The following VAV1 variants were observed in gnomAD, a reference collection of about 807,000 sequenced individuals.
VAV1 encodes the protein proto-oncogene vav.
In VAV1, 33 loss-of-function variants were observed where a neutral mutation model predicts 128.1. That is an observed-to-expected ratio of 0.26 (90% CI 0.20 to 0.34). The LOEUF (loss-of-function observed/expected upper bound fraction) is 0.34. VAV1 is among the 10% of genes least tolerant of loss of function. VAV1 has a pLI of 1.00. For synonymous variants in VAV1, 394 were observed against 409.8 expected (o/e 0.96, Z 0.47); for missense variants, 715 against 1,093.7 (o/e 0.65, Z 4.88).
chr19:6,834,370 A>G (rs1473943955), intron 19 of VAV1, among the ~76,000 whole-genome samples: 2 of 151,150 alleles, frequency 1.3e-5, no homozygotes, highest in African/African-American at 4.9e-5. Context: ...CAGCCTCCCA[A>G]GTAGCTGGGA....
intron 1 of VAV1, among the ~76,000 whole-genome samples, chr19:6,805,015 G>A (rs1213760686): frequency 6.6e-6 from 1 of 151,706 alleles, no homozygotes; most frequent in Admixed American, 6.6e-5. Flanking sequence ...ACAGGTGTGA[G>A]CCACCGCCCC....
chr19:6,807,522 G>A (rs1971421581), intron 1 of VAV1, among the ~76,000 whole-genome samples: 1 of 152,030 alleles, frequency 6.6e-6, no homozygotes, highest in South Asian at 2.1e-4. Flanking sequence ...TAGCTCACCT[G>A]CCCACCACTC....
intron 1 of VAV1, among the ~76,000 whole-genome samples, chr19:6,773,870 CG>C (rs1244677448): frequency 2.6e-5 from 4 of 151,782 alleles, no homozygotes; most frequent in African/African-American, 9.7e-5. Context: ...GAACGGGGGA[CG>C]GGGCGGGGCT....
intron 1 of VAV1, among the ~76,000 whole-genome samples, chr19:6,814,680 CTT>C (rs1430956120): frequency 1.9e-5 from 2 of 105,578 alleles, no homozygotes; most frequent in African/African-American, 9.1e-5. Flanking sequence ...TCCTTTCTTT[CTT>C]TCTTTCTTTC....
chr19:6,845,745 G>C (rs1054206239), intron 22 of VAV1, among the ~76,000 whole-genome samples: 8 of 147,470 alleles, frequency 5.4e-5, no homozygotes, highest in African/African-American at 1.7e-4. Context: ...AGATTTATAG[G>C]TTACCTATTT....
intron 23 of VAV1, among the ~76,000 whole-genome samples, chr19:6,849,634 T>C (rs890888750): frequency 2.6e-5 from 4 of 152,080 alleles, no homozygotes; most frequent in Admixed American, 6.6e-5. Context: ...CATCTTTATG[T>C]CCATGTGTAC....
intron 1 of VAV1, among the ~76,000 whole-genome samples, chr19:6,778,138 T>C (rs753262849): frequency 2.4e-4 from 37 of 152,152 alleles, no homozygotes; most frequent in Non-Finnish European, 4.3e-4. Flanking sequence ...GGTTTCAGCA[T>C]GTTGGCCAGG....
At chr19:6,794,662 C>A (rs1030129640) in intron 1 of VAV1, among the ~76,000 whole-genome samples, 1 of 152,162 alleles carries the variant, frequency 6.6e-6, no homozygotes, top group African/African-American at 2.4e-5. Flanking sequence ...GTTCTAGGTA[C>A]TTTATACTTA....
chr19:6,793,518 C>T (rs1158742799), intron 1 of VAV1, among the ~76,000 whole-genome samples: 1 of 151,996 alleles, frequency 6.6e-6, no homozygotes, highest in Non-Finnish European at 1.5e-5. Context: ...CCTCTCTGCA[C>T]CATTACCTCA....
intron 1 of VAV1, among the ~76,000 whole-genome samples, chr19:6,794,311 T>C (rs145730965): frequency 1.0e-3 from 152 of 152,146 alleles, no homozygotes; most frequent in East Asian, 8.1e-3. Context: ...TGTAACAGCA[T>C]AGAAACATTG....
At chr19:6,804,205 G>A (rs568677544) in intron 1 of VAV1, among the ~76,000 whole-genome samples, 8 of 151,434 alleles carry the variant, frequency 5.3e-5, no homozygotes, top group African/African-American at 1.9e-4. Flanking sequence ...CGGCAGGCAA[G>A]CCCCAAAGTG....
At chr19:6,817,964 G>C (rs1182850013) in intron 1 of VAV1, among the ~76,000 whole-genome samples, 1 of 152,176 alleles carries the variant, frequency 6.6e-6, no homozygotes, top group Non-Finnish European at 1.5e-5. Flanking sequence ...GGGATTACAG[G>C]CATGAGCCAC....
intron 1 of VAV1, among the ~76,000 whole-genome samples, chr19:6,776,387 C>T (rs1338727665): frequency 1.6e-4 from 17 of 107,394 alleles, no homozygotes; most frequent in African/African-American, 5.3e-4. Context: ...CATCCATCTA[C>T]CCATCCACCC....
intron 1 of VAV1, among the ~76,000 whole-genome samples, chr19:6,801,707 G>A (rs1971274785): frequency 6.6e-6 from 1 of 152,250 alleles, no homozygotes; most frequent in Admixed American, 6.5e-5. Flanking sequence ...TGGGGTGGGG[G>A]TGGGGAGTTG....
At chr19:6,836,652 A>C in intron 20 of VAV1, 84 bp downstream of exon 20, 1 of 1,561,478 alleles carries the variant, frequency 6.4e-7, no homozygotes, top group Non-Finnish European at 8.7e-7. Flanking sequence ...GTTGGGTCAT[A>C]GTTCCACCAT....
At chr19:6,815,767 T>C (rs1417756971) in intron 1 of VAV1, among the ~76,000 whole-genome samples, 2 of 152,152 alleles carry the variant, frequency 1.3e-5, no homozygotes, top group Non-Finnish European at 2.9e-5. Context: ...ATAATATGAC[T>C]TACCTTGAAG....
Position 6,772,840 on chromosome 19 carries a change from C to T in VAV1, c.33C>T (p.Leu11=), listed in dbSNP as rs769194270. The part of the protein sequence containing the change: MELWRQCTHW[L]IQCRVLPPSH... ...TGTGGCGCCAATGCACCCACTGGCT[C>T]ATCCAGTGCCGGGTGCTGCCGCCCA... Residue 11 remains leucine, a synonymous_variant, in exon 1 of 27, where the codon CTC becomes CTT. Transcript: ENST00000602142. The surrounding 1 kb of genome is among the most constrained non-coding windows in gnomAD (Gnocchi z 4.8). 6.9e-5 allele frequency: 111 copies of T among 1,613,910 alleles called. No individual in the cohort carries two copies. The highest frequency in any genetic ancestry group is 3.3e-5 in the South Asian group (3 of 91,084).
At chr19:6,801,803 G>A (rs7247477) in intron 1 of VAV1, among the ~76,000 whole-genome samples, 27,938 of 151,908 alleles carry the variant, frequency 0.18, 4,847 homozygotes, top group African/African-American at 0.46. Flanking sequence ...CCGAAGGAGC[G>A]TGGAAAGCCA....
chr19:6,798,664 C>A (rs551794829), intron 1 of VAV1, among the ~76,000 whole-genome samples: 3 of 151,306 alleles, frequency 2.0e-5, no homozygotes, highest in Non-Finnish European at 2.9e-5. Flanking sequence ...CCCCTTCCCC[C>A]CCCCACCCAA....
Sources: gnomAD v4.1 joint callset for allele counts (sites outside exome capture counted in the v4.1 genomes callset) on GRCh38, gnomAD v4.1.1 for gene constraint, Gnocchi (gnomAD v3.1) non-coding constraint, MANE v1.5 for transcripts, NCBI Gene and HGNC (gene_info 2026-07-23, HGNC 2026-07-21) for gene names.